Variants in PRDM7 observed in about 807,000 individuals in gnomAD.
PRDM7 encodes the protein histone-lysine N-methyltransferase PRDM7.
In PRDM7, 52 loss-of-function variants were observed where a neutral mutation model predicts 64.3. The observed-to-expected ratio is 0.81, with a 90% CI of 0.65 to 1.02. PRDM7 has a LOEUF of 1.02. Among genes scored for constraint, PRDM7 ranks in the 50% least tolerant of loss-of-function variants. PRDM7 has a pLI of 0.00. For synonymous variants in PRDM7, 192 were observed against 210.1 expected (o/e 0.91, Z 0.74); for missense variants, 574 against 597.1 (o/e 0.96, Z 0.40).
Position 90,075,796 on chromosome 16 carries a change from G to A in PRDM7, c.69+46C>T. ...GGCCAGGAGTCTGCAGCACTCCAGA[G>A]ATCAGCTCCTGCTGGGAGTCTGGCT... On this transcript the variant is annotated intron_variant, in intron 2 of 10. Coordinates refer to ENST00000449207, the MANE Select transcript of PRDM7 (RefSeq NM_001098173.2). This position sits in a 1 kb window ranked among gnomAD's most constrained non-coding sequence, Gnocchi z 4.3. 2 of 1,594,416 alleles carry A rather than the reference G, an allele frequency of 1.3e-6. No homozygotes were observed. Among genetic ancestry groups the A allele is most frequent in the Non-Finnish European group, 1.7e-6 (2 of 1,165,736 alleles).
chr16:90,076,598 T>C (rs921453377), intron 1 of PRDM7, among the ~76,000 whole-genome samples: 11 of 152,080 alleles, frequency 7.2e-5, no homozygotes, highest in African/African-American at 2.7e-4. Flanking sequence ...TATCTTGAGC[T>C]GAGGAGCTTT....
intron 10 of PRDM7, among the ~76,000 whole-genome samples, chr16:90,059,905 T>TA (rs1321151833): frequency 6.6e-6 from 1 of 152,260 alleles, no homozygotes; most frequent in Non-Finnish European, 1.5e-5. Context: ...AGTCTGTATT[T>TA]ACACTTCCTG....
Position 90,062,528 on chromosome 16 carries a change from A to G in PRDM7, c.509-26T>C, listed in dbSNP as rs941376906. 1.9e-6 allele frequency: 3 copies of G among 1,570,652 alleles called. No individual in the cohort carries two copies. In the African/African-American group the frequency reaches 4.1e-5, roughly 21 times the overall value. ...CTAGGTTGGAGAAGAGTAGATGGGT[A>G]AAATTGGGAGTCTGGGGTGTTTGTC... On this transcript the variant is annotated intron_variant, in intron 6 of 10. Coordinates refer to ENST00000449207, the MANE Select transcript of PRDM7 (RefSeq NM_001098173.2).
At chr16:90,073,157 C>T (rs187622178) in intron 4 of PRDM7, among the ~76,000 whole-genome samples, 4 of 152,080 alleles carry the variant, frequency 2.6e-5, no homozygotes, top group East Asian at 1.9e-4. Context: ...GCTCCAGAAT[C>T]GAGACAAAGA....
chr16:90,067,460 G>T (rs2037893649), intron 4 of PRDM7, among the ~76,000 whole-genome samples: 1 of 150,988 alleles, frequency 6.6e-6, no homozygotes, highest in Non-Finnish European at 1.5e-5. Context: ...TATCTGTAAA[G>T]GTATACCTAA....
intron 7 of PRDM7, 82 bp from the exon 8 acceptor site, chr16:90,062,274 A>C: frequency 6.2e-7 from 1 of 1,613,988 alleles, no homozygotes; most frequent in Non-Finnish European, 8.5e-7. Context: ...CGTGGCACTC[A>C]CATTATTTAG....
chr16:90,067,842 G>A (rs956443691), intron 4 of PRDM7, among the ~76,000 whole-genome samples: 2 of 150,722 alleles, frequency 1.3e-5, no homozygotes, highest in African/African-American at 2.5e-5. Context: ...CTCCCACCTC[G>A]GCCTCCCAAA....
chr16:90,061,668 A>C (rs2037780286), intron 8 of PRDM7, 149 bp from the exon 9 acceptor site: 4 of 1,156,666 alleles, frequency 3.5e-6, no homozygotes, highest in Non-Finnish European at 5.0e-6. Context: ...TCATCTACAC[A>C]TCTGAGTTGG....
chr16:90,064,957 A>G lies in PRDM7; in HGVS notation c.352-1189T>C, dbSNP rs1273695622. 1.6e-4 allele frequency among the ~76,000 whole-genome samples: 24 copies of G among 150,390 alleles called. No individual in the cohort carries two copies. The South Asian group carries it at 4.2e-3, about 26-fold the overall frequency. ...TGGTCTTGAACTCCTGACCTCAGGT[A>G]ATCTGCCCACCTCTGCCTCTCAAAG... On this transcript the variant is annotated intron_variant, in intron 5 of 10. Coordinates refer to ENST00000449207, the MANE Select transcript of PRDM7 (RefSeq NM_001098173.2).
At position 90,058,410 on chromosome 16, in the gene PRDM7, T is replaced by G; in HGVS notation, c.1358A>C (p.Asn453Thr). The G allele has an allele frequency of 6.2e-7, 1 of 1,614,100 alleles. No homozygotes were observed. Among genetic ancestry groups the G allele is most frequent in the Non-Finnish European group, 8.5e-7 (1 of 1,180,012 alleles). ...GGCAGGGATTCTCTGGTTGGAGAAG[T>G]TTTCTTGCAGATGGTCCTGGGAAGT... Reference protein sequence around the residue: ...LRTSQDHLQENFSNQRIPAQG... With the variant: ...LRTSQDHLQETFSNQRIPAQG... The change falls in exon 11 of 11, where the codon AAC becomes ACC. Residue 453 changes from asparagine to threonine, a missense_variant. Asn to Thr is a moderately conservative substitution (Grantham distance 65). Transcript: ENST00000449207.
intron 5 of PRDM7, among the ~76,000 whole-genome samples, chr16:90,064,094 C>T (rs1208296486): frequency 6.6e-6 from 1 of 152,162 alleles, no homozygotes; most frequent in Admixed American, 6.5e-5. Context: ...AGGAGGGAAT[C>T]TTCCATAAAC....
Position 90,075,294 on chromosome 16 carries a change from G to A in PRDM7, c.193+57C>T. On this transcript the variant is annotated intron_variant, in intron 3 of 10. Coordinates refer to ENST00000449207, the MANE Select transcript of PRDM7 (RefSeq NM_001098173.2). This position sits in a 1 kb window ranked among gnomAD's most constrained non-coding sequence, Gnocchi z 4.3. ...CACCTGATAATTAAAATAATATAGG[G>A]ACCAAAGACCTGTTTTATATCGCCC... 6.2e-7 allele frequency: 1 copy of A among 1,613,074 alleles called. No individual in the cohort carries two copies. Among genetic ancestry groups the A allele is most frequent in the Non-Finnish European group, 8.5e-7 (1 of 1,179,302 alleles).
Position 90,075,549 on chromosome 16 carries a change from T to C in PRDM7, c.70-75A>G. On this transcript the variant is annotated intron_variant, in intron 2 of 10. Coordinates refer to ENST00000449207, the MANE Select transcript of PRDM7 (RefSeq NM_001098173.2). This position sits in a 1 kb window ranked among gnomAD's most constrained non-coding sequence, Gnocchi z 4.3. ...TGGTCCTTTTCCTCTACCCTGCGTG[T>C]AGGGCATAGCCTGGGGCCTCTGGGA... The C allele has an allele frequency of 6.2e-7, 1 of 1,609,692 alleles. No individual in the cohort carries two copies. Among genetic ancestry groups the C allele is most frequent in the Non-Finnish European group, 8.5e-7 (1 of 1,176,186 alleles).
rs754541500 is a variant in PRDM7 at position 90,062,506 on chromosome 16, G to C, written c.509-4C>G. On this transcript the variant is annotated splice_polypyrimidine_tract_variant and splice_region_variant and intron_variant, in intron 6 of 10. Coordinates refer to ENST00000449207, the MANE Select transcript of PRDM7 (RefSeq NM_001098173.2). Reference sequence around the variant, plus strand: ...TCAGTCTCCTTCCTCCTGAGTTCTAGGTTGGAGAAGAGTAGATGGGTAAAA... The same window carrying C: ...TCAGTCTCCTTCCTCCTGAGTTCTACGTTGGAGAAGAGTAGATGGGTAAAA... 5 of 1,609,994 alleles carry C rather than the reference G, an allele frequency of 3.1e-6. No individual in the cohort carries two copies. The South Asian group carries it at 4.4e-5, about 14-fold the overall frequency.
intron 4 of PRDM7, among the ~76,000 whole-genome samples, chr16:90,073,916 G>A (rs62054657): frequency 0.066 from 9,993 of 151,768 alleles, 338 homozygotes; most frequent in African/African-American, 0.078. Flanking sequence ...TTGAGTAGCT[G>A]GGATTATAAG....
chr16:90,074,821 G>A (rs1478542231), intron 4 of PRDM7, 95 bp downstream of exon 4: 21 of 1,280,482 alleles, frequency 1.6e-5, no homozygotes, highest in South Asian at 1.5e-4. Context: ...AGAGGTTGCC[G>A]TGAGCCAAGA....
Position 90,056,830 on chromosome 16 carries a change from G to A in PRDM7, c.*1459C>T, listed in dbSNP as rs933292411. 6.6e-6 allele frequency: 1 copy of A among 152,202 alleles called. No individual in the cohort carries two copies. The highest frequency in any genetic ancestry group is 1.5e-5 in the Non-Finnish European group (1 of 68,068). The allele number at this position is 152,202 out of a possible 1,614,324, so 9.4% of individuals were successfully genotyped here. On this transcript the variant is annotated 3_prime_UTR_variant, in exon 11 of 11. Transcript: ENST00000449207. ...AGATAACATCAGTTGCTAGGTCAGG[G>A]GTCGAATTTTAACTACCAGGCTTAG...
chr16:90,075,644 G>A lies in PRDM7; in HGVS notation c.70-170C>T, dbSNP rs1470910205. 4.6e-5 allele frequency among the ~76,000 whole-genome samples: 7 copies of A among 152,196 alleles called. 1 individual carries two copies. Among genetic ancestry groups the A allele is most frequent in the Non-Finnish European group, 5.9e-5 (4 of 68,036 alleles). On this transcript the variant is annotated intron_variant, in intron 2 of 10. Transcript: ENST00000449207. The surrounding 1 kb of genome is among the most constrained non-coding windows in gnomAD (Gnocchi z 4.3). ...TCCTGTTTAACTGAGCAGACACTGAGCATTTTCCTAGCTCTCTGCTGACAC... is the reference window on the plus strand; with the variant it reads ...TCCTGTTTAACTGAGCAGACACTGAACATTTTCCTAGCTCTCTGCTGACAC...
intron 4 of PRDM7, among the ~76,000 whole-genome samples, chr16:90,072,245 AG>A (rs2037970332): frequency 1.3e-5 from 2 of 151,722 alleles, no homozygotes; most frequent in Admixed American, 1.3e-4. Context: ...AAAAAAAAAA[AG>A]AATTAAAAAC....
Sources: gnomAD v4.1 joint callset for allele counts (sites outside exome capture counted in the v4.1 genomes callset) on GRCh38, gnomAD v4.1.1 for gene constraint, Gnocchi (gnomAD v3.1) non-coding constraint, MANE v1.5 for transcripts, NCBI Gene and HGNC (gene_info 2026-07-23, HGNC 2026-07-21) for gene names.